The following CADM2 variants were observed in gnomAD, a reference collection of about 807,000 sequenced individuals.
CADM2 encodes immunoglobulin superfamily member 4D.
Under a neutral mutation model 49.8 loss-of-function variants are expected in CADM2, and 12 were observed. The observed-to-expected ratio is 0.24, with a 90% confidence interval of 0.15 to 0.39. CADM2 has a LOEUF of 0.39. Ranked by LOEUF, CADM2 falls within the 10% of genes least tolerant of loss-of-function variation. CADM2 has a pLI of 1.00. For missense variants in CADM2, 378 were observed against 492.3 expected (o/e 0.77, Z 2.20); for synonymous variants, 214 against 175.4 (o/e 1.22, Z -1.74).
chr3:85,085,223 T>A (rs2037322259), intron 1 of CADM2, among the ~76,000 whole-genome samples: 1 of 152,050 alleles, frequency 6.6e-6, no homozygotes, highest in Non-Finnish European at 1.5e-5. Flanking sequence ...ATTACTTCTA[T>A]CTCCTAGCTC....
At chr3:85,768,173 G>A (rs945200992) in intron 2 of CADM2, among the ~76,000 whole-genome samples, 4 of 152,014 alleles carry the variant, frequency 2.6e-5, no homozygotes, top group Admixed American at 6.6e-5. Flanking sequence ...CTGGCCGGGC[G>A]CAGTGGCTCA....
intron 1 of CADM2, among the ~76,000 whole-genome samples, chr3:85,078,784 C>G (rs920902338): frequency 6.6e-6 from 1 of 151,486 alleles, no homozygotes; most frequent in Admixed American, 6.6e-5. Context: ...AGGTCATAAC[C>G]TTATGCTATT....
chr3:85,363,147 T>A (rs750875035), intron 1 of CADM2, among the ~76,000 whole-genome samples: 1 of 152,208 alleles, frequency 6.6e-6, no homozygotes, highest in African/African-American at 2.4e-5. Context: ...ATAAACTTGT[T>A]AAGAAAATAA....
At chr3:85,540,146 G>A (rs1326737986) in intron 1 of CADM2, among the ~76,000 whole-genome samples, 5 of 151,992 alleles carry the variant, frequency 3.3e-5, no homozygotes, top group Non-Finnish European at 7.4e-5. Context: ...TATCATAAAA[G>A]CCAAATGAAA....
chr3:86,013,472 T>G, intron 8 of CADM2: 3 of 1,598,272 alleles, frequency 1.9e-6, no homozygotes, highest in Non-Finnish European at 2.6e-6. Context: ...AGATAAATTC[T>G]GGTGAAGAGG....
chr3:85,403,872 T>G (rs1327077530), intron 1 of CADM2, among the ~76,000 whole-genome samples: 5 of 152,092 alleles, frequency 3.3e-5, no homozygotes, highest in Admixed American at 2.0e-4. Context: ...TAAAAATGCA[T>G]TGAATTAAAG....
intron 1 of CADM2, among the ~76,000 whole-genome samples, chr3:85,347,588 C>A (rs1206279561): frequency 2.7e-4 from 38 of 139,240 alleles, no homozygotes; most frequent in African/African-American, 9.0e-4. Context: ...TACATATATA[C>A]ATATATATAC....
At chr3:85,327,552 G>T (rs955916653) in intron 1 of CADM2, among the ~76,000 whole-genome samples, 2 of 75,214 alleles carry the variant, frequency 2.7e-5, no homozygotes, top group Admixed American at 1.5e-4. Context: ...CACCATGCCC[G>T]GCCACACACA....
chr3:85,969,569 T>C (rs1380273260), intron 8 of CADM2, among the ~76,000 whole-genome samples: 1 of 151,332 alleles, frequency 6.6e-6, no homozygotes, highest in Non-Finnish European at 1.5e-5. Context: ...AAGACATATA[T>C]CATTATGTGA....
At position 85,477,261 on chromosome 3, in the gene CADM2, CACACACACACAT is replaced by C. The variant is rs1171392368; in HGVS notation, c.62-249257_62-249246del. ...TCCCTTAAACACACACACACACACA[CACACACACACAT>C]ACAGACACGTATTAGTTATTTATAG... is the stretch of plus-strand genomic sequence containing the variant. On this transcript the variant is annotated intron_variant, in intron 1 of 9. Transcript: ENST00000383699. 1.6e-3 allele frequency among the ~76,000 whole-genome samples: 244 copies of C among 151,090 alleles called. 2 individuals carry two copies. Among genetic ancestry groups the C allele is most frequent in the African/African-American group, 5.4e-3 (223 of 40,960 alleles).
intron 1 of CADM2, among the ~76,000 whole-genome samples, chr3:85,555,682 C>T (rs1044847220): frequency 5.3e-5 from 8 of 151,914 alleles, no homozygotes; most frequent in Non-Finnish European, 1.2e-4. Flanking sequence ...AAATACCCTA[C>T]AATTTTCTAT....
chr3:85,727,277 T>C (rs2067741792), intron 2 of CADM2, among the ~76,000 whole-genome samples: 2 of 152,148 alleles, frequency 1.3e-5, no homozygotes, highest in African/African-American at 2.4e-5. Context: ...AATTTTTTTC[T>C]CTTTCAGTTC....
chr3:85,093,730 T>A (rs2037688800), intron 1 of CADM2, among the ~76,000 whole-genome samples: 1 of 152,118 alleles, frequency 6.6e-6, no homozygotes, highest in African/African-American at 2.4e-5. Flanking sequence ...ATATCAAATA[T>A]CTACATTAAG....
chr3:85,212,887 TC>T (rs1485069056), intron 1 of CADM2, among the ~76,000 whole-genome samples: 1,695 of 108,786 alleles, frequency 0.016, 94 homozygotes, highest in African/African-American at 0.069. Context: ...TCTTTCTTTC[TC>T]TTTCTTTCTT....
chr3:85,115,211 T>G (rs1328659272), intron 1 of CADM2, among the ~76,000 whole-genome samples: 1 of 152,162 alleles, frequency 6.6e-6, no homozygotes. Context: ...TACCTTAACT[T>G]ATTCCTGGAA....
intron 1 of CADM2, among the ~76,000 whole-genome samples, chr3:85,097,754 A>G (rs1463156592): frequency 6.6e-6 from 1 of 152,238 alleles, no homozygotes; most frequent in Non-Finnish European, 1.5e-5. Flanking sequence ...CTGCCCTAGC[A>G]GACTGATACA....
chr3:85,515,631 A>T (rs1463202), intron 1 of CADM2, among the ~76,000 whole-genome samples: 54,251 of 117,812 alleles, frequency 0.46, 14,005 homozygotes, highest in Non-Finnish European at 0.57. Flanking sequence ...ATATATATAT[A>T]TTTTTTTTTT....
chr3:85,830,827 T>C (rs1020474622), intron 3 of CADM2, among the ~76,000 whole-genome samples: 1 of 147,774 alleles, frequency 6.8e-6, no homozygotes, highest in African/African-American at 2.4e-5. Context: ...ATTTATTTAT[T>C]TATTTATTTA....
chr3:85,219,129 A>G (rs923505604), intron 1 of CADM2, among the ~76,000 whole-genome samples: 1 of 152,222 alleles, frequency 6.6e-6, no homozygotes, highest in Non-Finnish European at 1.5e-5. Flanking sequence ...ATTAATGGTG[A>G]AAAGAATAAT....
Sources: gnomAD v4.1 joint callset for allele counts (sites outside exome capture counted in the v4.1 genomes callset) on GRCh38, gnomAD v4.1.1 for gene constraint, MANE v1.5 for transcripts, NCBI Gene and HGNC (gene_info 2026-07-23, HGNC 2026-07-21) for gene names.